Variants in DOCK1 observed in about 807,000 individuals in gnomAD.
The protein encoded by DOCK1 is dedicator of cytokinesis 1, also known as dedicator of cytokinesis protein 1.
DOCK1 carries 138 observed loss-of-function variants against 262.7 expected under a neutral mutation model. The ratio of observed to expected loss-of-function variants is 0.53; its 90% confidence interval spans 0.46 to 0.61. The LOEUF is 0.61. DOCK1 is among the 20% of genes least tolerant of loss of function. The probability of loss-of-function intolerance (pLI) is 0.00; values close to 1 mark genes in which losing one functional copy is unlikely to be tolerated. For missense variants in DOCK1, 1,908 were observed against 2,370.7 expected, an observed-to-expected ratio of 0.80 and a Z score of 4.05; for synonymous variants, 866 against 867.4, an observed-to-expected ratio of 1.00 and a Z score of 0.03.
intron 27 of DOCK1, among the ~76,000 whole-genome samples, chr10:127,164,121 T>G (rs1483197266): frequency 6.7e-6 from 1 of 148,540 alleles, no homozygotes; most frequent in Non-Finnish European, 1.5e-5. Flanking sequence ...TCTCCTCTCT[T>G]TCTCCCTTGG....
intron 1 of DOCK1, among the ~76,000 whole-genome samples, chr10:126,948,558 G>A (rs1269187281): frequency 6.6e-6 from 1 of 151,912 alleles, no homozygotes; most frequent in Non-Finnish European, 1.5e-5. Flanking sequence ...TACGTGGGGT[G>A]GGGTCGGGAT....
intron 33 of DOCK1, among the ~76,000 whole-genome samples, chr10:127,365,218 G>T (rs2064837659): frequency 6.6e-6 from 1 of 152,202 alleles, no homozygotes; most frequent in South Asian, 2.1e-4. Context: ...GAATAACTGT[G>T]CAGTGAACAC....
chr10:127,302,768 G>T (rs1176991382), intron 29 of DOCK1, among the ~76,000 whole-genome samples: 2 of 151,412 alleles, frequency 1.3e-5, no homozygotes, highest in Non-Finnish European at 2.9e-5. Flanking sequence ...GTGTGTGTGT[G>T]TGTGTGTGTG....
intron 23 of DOCK1, among the ~76,000 whole-genome samples, chr10:127,080,432 C>T (rs543291478): frequency 6.6e-6 from 1 of 152,224 alleles, no homozygotes; most frequent in African/African-American, 2.4e-5. Flanking sequence ...CCCTCCTGTA[C>T]CCCAGGGTTT....
intron 38 of DOCK1, among the ~76,000 whole-genome samples, chr10:127,386,365 T>C (rs909403587): frequency 1.3e-5 from 2 of 152,128 alleles, no homozygotes; most frequent in African/African-American, 4.8e-5. Context: ...TCGTGGCCTG[T>C]TAGGAACCAG....
chr10:127,392,792 G>C (rs768876912), intron 38 of DOCK1, among the ~76,000 whole-genome samples: 10 of 152,090 alleles, frequency 6.6e-5, no homozygotes, highest in Non-Finnish European at 1.5e-4. Context: ...ACTCTGCCAC[G>C]TGCCGCATCA....
chr10:127,236,500 G>GTTTTTTTTTTTTTTT (rs771387854), intron 27 of DOCK1, among the ~76,000 whole-genome samples: 1 of 66,786 alleles, frequency 1.5e-5, no homozygotes, highest in Non-Finnish European at 2.7e-5. Context: ...CTTGACACGG[G>GTTTTTTTTTTTTTTT]TTTTTTTTTT....
At chr10:127,247,866 G>A (rs1050455338) in intron 27 of DOCK1, 142 bp from the exon 28 acceptor site, 2 of 710,456 alleles carry the variant, frequency 2.8e-6, no homozygotes, top group Admixed American at 5.1e-5. Context: ...CCCTGAGAGA[G>A]GGGCAGCAGA....
At chr10:127,194,964 ACAG>A (rs2057004393) in intron 27 of DOCK1, among the ~76,000 whole-genome samples, 1 of 152,178 alleles carries the variant, frequency 6.6e-6, no homozygotes, top group South Asian at 2.1e-4. Context: ...GCACAGACCA[ACAG>A]CAGGAGAGGG....
intron 1 of DOCK1, among the ~76,000 whole-genome samples, chr10:126,940,507 G>A (rs2134245648): frequency 6.6e-6 from 1 of 152,230 alleles, no homozygotes; most frequent in South Asian, 2.1e-4. Flanking sequence ...GGGTTCAAAT[G>A]ATTCTCCTGC....
intron 27 of DOCK1, chr10:127,146,006 A>G (rs1278813944): frequency 1.9e-6 from 1 of 517,654 alleles, no homozygotes; most frequent in East Asian, 5.5e-5. Context: ...TGAATTCCCT[A>G]GTCACTCTAT....
chr10:127,104,870 A>G (rs780563524), intron 23 of DOCK1, among the ~76,000 whole-genome samples: 6 of 152,180 alleles, frequency 3.9e-5, no homozygotes, highest in African/African-American at 4.8e-5. Flanking sequence ...AACAGGGACA[A>G]AGTAATTAAT....
intron 10 of DOCK1, among the ~76,000 whole-genome samples, chr10:127,003,066 A>G (rs1283321748): frequency 6.6e-6 from 1 of 152,032 alleles, no homozygotes; most frequent in Non-Finnish European, 1.5e-5. Context: ...ACCTGTGTGA[A>G]CCTGCGTGAA....
chr10:126,905,943 C>T (rs1169209242), intron 1 of DOCK1, among the ~76,000 whole-genome samples: 2 of 152,100 alleles, frequency 1.3e-5, no homozygotes, highest in East Asian at 3.9e-4. Flanking sequence ...GTCAGGGAAG[C>T]CCAGGGGTCA....
At chr10:126,923,067 C>A (rs1380597252) in intron 1 of DOCK1, among the ~76,000 whole-genome samples, 2 of 151,990 alleles carry the variant, frequency 1.3e-5, no homozygotes, top group Non-Finnish European at 2.9e-5. Context: ...CGAGATTGTG[C>A]CATTGCACTC....
At chr10:126,966,080 G>GT (rs1315001417) in intron 1 of DOCK1, among the ~76,000 whole-genome samples, 1 of 152,064 alleles carries the variant, frequency 6.6e-6, no homozygotes, top group Non-Finnish European at 1.5e-5. Flanking sequence ...TATAAGCTCA[G>GT]TTTTTTTAGC....
intron 29 of DOCK1, among the ~76,000 whole-genome samples, chr10:127,282,499 T>C (rs967762716): frequency 6.6e-6 from 1 of 152,204 alleles, no homozygotes; most frequent in African/African-American, 2.4e-5. Flanking sequence ...AGCAGGCTTG[T>C]TCTCAGATTC....
intron 47 of DOCK1, among the ~76,000 whole-genome samples, chr10:127,432,233 AAG>A (rs1246141080): frequency 6.6e-6 from 1 of 152,146 alleles, no homozygotes; most frequent in African/African-American, 2.4e-5. Flanking sequence ...CTTATTATGA[AAG>A]AGATAGTTTA....
chr10:127,093,206 C>CTTTCTTTCTTTCTTTCTTTGTTTA (rs1554883895), intron 23 of DOCK1, among the ~76,000 whole-genome samples: 1 of 119,982 alleles, frequency 8.3e-6, no homozygotes, highest in African/African-American at 3.9e-5. Flanking sequence ...CTTTTTCTTT[C>CTTTCTTTCTTTCTTTCTTTGTTTA]TTTCTTTCTT....
Sources: gnomAD v4.1 joint callset for allele counts (sites outside exome capture counted in the v4.1 genomes callset) on GRCh38, gnomAD v4.1.1 for gene constraint, MANE v1.5 for transcripts, NCBI Gene and HGNC (gene_info 2026-07-23, HGNC 2026-07-21) for gene names.